PRMT3: variants seen among roughly 807,000 people sequenced by gnomAD.
PRMT3 encodes the protein protein arginine methyltransferase 3.
In PRMT3, 62 loss-of-function variants were observed where a neutral mutation model predicts 71.9. That is an observed-to-expected ratio of 0.86 (90% confidence interval 0.70 to 1.07). The LOEUF (loss-of-function observed/expected upper bound fraction) is 1.07, where lower values mean the gene tolerates loss of function less well. PRMT3 is among the 50% of genes least tolerant of loss of function. The probability of loss-of-function intolerance (pLI) is 0.00; values close to 1 mark genes in which losing one functional copy is unlikely to be tolerated. For missense variants in PRMT3, 663 were observed against 643.0 expected, an observed-to-expected ratio of 1.03 and a Z score of -0.34; for synonymous variants, 213 against 220.4, an observed-to-expected ratio of 0.97 and a Z score of 0.30.
At chr11:20,404,032 A>G (rs1310160907) in intron 8 of PRMT3, among the ~76,000 whole-genome samples, 2 of 152,048 alleles carry the variant, frequency 1.3e-5, no homozygotes, top group South Asian at 2.1e-4. Context: ...TGTAATTTAT[A>G]TGGTGCTCTG....
intron 13 of PRMT3, among the ~76,000 whole-genome samples, chr11:20,484,411 G>A (rs1331337426): frequency 9.6e-6 from 1 of 104,192 alleles, no homozygotes; most frequent in Non-Finnish European, 2.0e-5. Flanking sequence ...ACAGTGATAT[G>A]GTTTGGCTGT....
chr11:20,403,672 G>C (rs761319525), intron 8 of PRMT3, among the ~76,000 whole-genome samples: 1 of 151,054 alleles, frequency 6.6e-6, no homozygotes, highest in Non-Finnish European at 1.5e-5. Context: ...TAAAAGTTCA[G>C]GTTTTCCGTT....
chr11:20,500,528 AGTG>A (rs1457861953), intron 15 of PRMT3, among the ~76,000 whole-genome samples: 8 of 152,232 alleles, frequency 5.3e-5, no homozygotes, highest in African/African-American at 1.9e-4. Context: ...GCAGTATAGT[AGTG>A]GTGTTTATTG....
chr11:20,450,672 G>A (rs80273772), intron 10 of PRMT3, among the ~76,000 whole-genome samples: 4,508 of 152,146 alleles, frequency 0.03, 221 homozygotes, highest in African/African-American at 0.1. Context: ...GGTCAATACC[G>A]ACGTAGAGTT....
At chr11:20,400,499 CTTTGT>C (rs887524462) in intron 7 of PRMT3, among the ~76,000 whole-genome samples, 1 of 152,136 alleles carries the variant, frequency 6.6e-6, no homozygotes, top group African/African-American at 2.4e-5. Flanking sequence ...CATCGGTCTT[CTTTGT>C]TTTAAGATAA....
chr11:20,501,570 A>G (rs1232375855), intron 15 of PRMT3, among the ~76,000 whole-genome samples: 2 of 152,194 alleles, frequency 1.3e-5, no homozygotes, highest in Non-Finnish European at 2.9e-5. Context: ...CCAATGTACT[A>G]TAAGATTTTT....
intron 13 of PRMT3, among the ~76,000 whole-genome samples, chr11:20,482,251 C>CTGATTCTAAAGCCTCCAAGTGAGTGA (rs1850954855): frequency 6.6e-6 from 1 of 152,020 alleles, no homozygotes; most frequent in Non-Finnish European, 1.5e-5. Flanking sequence ...TTAAAAAATT[C>CTGATTCTAAAGCCTCCAAGTGAGTGA]TGATTCTAAA....
intron 10 of PRMT3, among the ~76,000 whole-genome samples, chr11:20,427,623 G>T (rs1473403863): frequency 6.6e-6 from 1 of 152,070 alleles, no homozygotes; most frequent in African/African-American, 2.4e-5. Context: ...CACTTGGGAG[G>T]CTGAGGCAGG....
intron 10 of PRMT3, among the ~76,000 whole-genome samples, chr11:20,447,640 T>C (rs1850059949): frequency 6.6e-6 from 1 of 152,120 alleles, no homozygotes; most frequent in Admixed American, 6.6e-5. Flanking sequence ...ATAATCAACC[T>C]GCATTTAACT....
rs971233506 is a variant in PRMT3, at chr11:20,422,041, G to A, written c.894-4725G>A. Among the ~76,000 whole-genome samples, 4 of 152,106 alleles carry A rather than the reference G, an allele frequency of 2.6e-5. No homozygotes were observed. The East Asian group carries it at 5.8e-4, about 22-fold the overall frequency. On this transcript the variant is annotated intron_variant, in intron 9 of 15. Coordinates refer to ENST00000331079, the MANE Select transcript of PRMT3 (RefSeq NM_005788.4). ...AGAGTATGGCAGTTACCCCTCTTGC[G>A]GTAGGTATGCTGCAATCCTACTTTT... is the stretch of plus-strand genomic sequence containing the variant.
intron 15 of PRMT3, among the ~76,000 whole-genome samples, chr11:20,501,343 T>C (rs1173703265): frequency 2.6e-5 from 4 of 152,140 alleles, no homozygotes; most frequent in Non-Finnish European, 5.9e-5. Flanking sequence ...TACAATAATA[T>C]ATATTGTCAT....
Position 20,414,576 on chromosome 11 carries a change from C to T in PRMT3, c.893+6544C>T, listed in dbSNP as rs200469407. ...TACTGTGTTTATTACCCTCAGGAAG[C>T]GCAGGTAGCGTCTGTTTAATATTTT... On this transcript the variant is annotated intron_variant, in intron 9 of 15. Transcript: ENST00000331079. 5.9e-5 allele frequency among the ~76,000 whole-genome samples: 9 copies of T among 152,204 alleles called. No homozygotes were observed. The East Asian group carries it at 9.6e-4, about 16-fold the overall frequency.
At chr11:20,450,026 A>G (rs1225831248) in intron 10 of PRMT3, among the ~76,000 whole-genome samples, 1 of 152,168 alleles carries the variant, frequency 6.6e-6, no homozygotes, top group Admixed American at 6.5e-5. Context: ...AAGAAAAAGA[A>G]AGGATATTTT....
intron 15 of PRMT3, among the ~76,000 whole-genome samples, chr11:20,507,618 A>G (rs1241098714): frequency 2.0e-5 from 3 of 151,926 alleles, no homozygotes; most frequent in Non-Finnish European, 4.4e-5. Flanking sequence ...TGTCTCTACT[A>G]AAAATACAAA....
At chr11:20,436,187 T>C (rs1849755921) in intron 10 of PRMT3, among the ~76,000 whole-genome samples, 1 of 152,214 alleles carries the variant, frequency 6.6e-6, no homozygotes, top group Admixed American at 6.5e-5. Context: ...ATTGAATGTG[T>C]TTGTCAGCTC....
At chr11:20,394,854 C>G (rs932722881) in intron 5 of PRMT3, among the ~76,000 whole-genome samples, 6 of 152,074 alleles carry the variant, frequency 3.9e-5, no homozygotes, top group Non-Finnish European at 8.8e-5. Flanking sequence ...TATTTTGCTT[C>G]ACATAATGTC....
chr11:20,444,009 C>T (rs1474355912), intron 10 of PRMT3, among the ~76,000 whole-genome samples: 2 of 151,984 alleles, frequency 1.3e-5, no homozygotes, highest in Non-Finnish European at 2.9e-5. Flanking sequence ...AATAAGTAGC[C>T]GTTATTACCA....
chr11:20,489,348 G>GAT (rs1416546769), intron 13 of PRMT3, among the ~76,000 whole-genome samples: 2 of 152,068 alleles, frequency 1.3e-5, no homozygotes, highest in Non-Finnish European at 2.9e-5. Flanking sequence ...GCCCCAACAA[G>GAT]ATATATACGT....
intron 9 of PRMT3, among the ~76,000 whole-genome samples, chr11:20,423,864 A>T (rs1383986295): frequency 1.7e-5 from 2 of 116,720 alleles, no homozygotes; most frequent in African/African-American, 6.9e-5. Context: ...ACAGAGTGAG[A>T]TTCTCTCTTA....
Sources: gnomAD v4.1 joint callset for allele counts (sites outside exome capture counted in the v4.1 genomes callset) on GRCh38, gnomAD v4.1.1 for gene constraint, MANE v1.5 for transcripts, NCBI Gene and HGNC (gene_info 2026-07-23, HGNC 2026-07-21) for gene names.